The following AEBP2 variants were observed in gnomAD, a reference collection of about 807,000 sequenced individuals.
AEBP2 encodes zinc finger protein AEBP2.
AEBP2 carries 10 observed loss-of-function variants against 50.8 expected under a neutral mutation model. The observed-to-expected ratio is 0.20, with a 90% CI of 0.12 to 0.33. The LOEUF (loss-of-function observed/expected upper bound fraction) is 0.33. AEBP2 is among the 10% of genes least tolerant of loss of function. AEBP2 has a pLI of 1.00. For synonymous variants in AEBP2, 296 were observed against 261.3 expected, an observed-to-expected ratio of 1.13 and a Z score of -1.28; for missense variants, 570 against 688.0, an observed-to-expected ratio of 0.83 and a Z score of 1.92.
In AEBP2 at chr12:19,462,727, G is replaced by C; in HGVS notation, c.879+10G>C. 1.3e-6 allele frequency: 2 copies of C among 1,561,564 alleles called. No individual in the cohort carries two copies. Among genetic ancestry groups the C allele is most frequent in the Non-Finnish European group, 1.7e-6 (2 of 1,147,312 alleles). ...TGGTCAGCGAGGAGGGGTTGGTTTT[G>C]TCATTTCTTTTTTTCGCTCCCTGTT... On this transcript the variant is annotated intron_variant, in intron 2 of 7. Coordinates refer to ENST00000266508, the MANE Select transcript of AEBP2 (RefSeq NM_153207.5).
chr12:19,435,119 A>C (rs1353539533), upstream of AEBP2, among the ~76,000 whole-genome samples: 1 of 150,736 alleles, frequency 6.6e-6, no homozygotes, highest in Admixed American at 6.7e-5. Flanking sequence ...ATCTTAGTAC[A>C]TACCTGTCAG....
intron 2 of AEBP2, among the ~76,000 whole-genome samples, chr12:19,463,514 A>G (rs1302603633): frequency 6.6e-6 from 1 of 152,132 alleles, no homozygotes; most frequent in Non-Finnish European, 1.5e-5. Context: ...TGAAGAACAG[A>G]TAACTAACAC....
chr12:19,423,816 G>T (rs1429297751), intron 1 of AEBP2, among the ~76,000 whole-genome samples: 1 of 152,028 alleles, frequency 6.6e-6, no homozygotes, highest in Non-Finnish European at 1.5e-5. Flanking sequence ...GCTCCAGCCT[G>T]GGCGACAGAG....
chr12:19,508,673 G>A (rs530096476), intron 5 of AEBP2, among the ~76,000 whole-genome samples: 129 of 152,122 alleles, frequency 8.5e-4, no homozygotes, highest in African/African-American at 3.0e-3. Context: ...CTGTTAGATC[G>A]ATGTTAACTT....
At chr12:19,494,127 T>A (rs2120457045) in intron 4 of AEBP2, 141 bp downstream of exon 4, 1 of 911,686 alleles carries the variant, frequency 1.1e-6, no homozygotes, top group Admixed American at 2.9e-5. Context: ...TCAGTGAGAG[T>A]GAGAATTCAG....
chr12:19,497,326 G>GTTT (rs1491166710), intron 4 of AEBP2, among the ~76,000 whole-genome samples: 45 of 60,216 alleles, frequency 7.5e-4, no homozygotes, highest in African/African-American at 4.0e-3. Flanking sequence ...GTTTCCAAAG[G>GTTT]TGTTTTTTTT....
At chr12:19,453,452 C>CTCTTTT (rs1948203644) in intron 1 of AEBP2, among the ~76,000 whole-genome samples, 1 of 146,566 alleles carries the variant, frequency 6.8e-6, no homozygotes, top group African/African-American at 2.5e-5. Context: ...AGGAGTCTTG[C>CTCTTTT]TCTTTTGCTC....
intron 3 of AEBP2, among the ~76,000 whole-genome samples, chr12:19,479,935 AT>A (rs1282531005): frequency 6.6e-6 from 1 of 151,624 alleles, no homozygotes; most frequent in African/African-American, 2.4e-5. Flanking sequence ...CCATTTTCCC[AT>A]TCCATACCTT....
chr12:19,439,352 G>A (rs1319142925), upstream of AEBP2, among the ~76,000 whole-genome samples: 2 of 145,554 alleles, frequency 1.4e-5, no homozygotes, highest in South Asian at 2.3e-4. Flanking sequence ...AAGGCCCCGA[G>A]GAAACGCTGA....
chr12:19,415,403 AG>A (rs1340876462), intron 1 of AEBP2, among the ~76,000 whole-genome samples: 1 of 137,384 alleles, frequency 7.3e-6, no homozygotes, highest in African/African-American at 2.7e-5. Context: ...TGCACAGTCT[AG>A]GGGTGGTGAT....
At chr12:19,496,116 C>T (rs1309851052) in intron 4 of AEBP2, among the ~76,000 whole-genome samples, 5 of 152,144 alleles carry the variant, frequency 3.3e-5, no homozygotes, top group Admixed American at 3.3e-4. Context: ...AATTTTCTGA[C>T]TTTTCACATT....
intron 1 of AEBP2, among the ~76,000 whole-genome samples, chr12:19,405,220 C>T (rs562832270): frequency 2.0e-5 from 3 of 152,254 alleles, no homozygotes; most frequent in African/African-American, 7.2e-5. Context: ...TGAGCCACCT[C>T]GCCCAGTTGG....
At position 19,451,793 on chromosome 12, in the gene AEBP2, T is replaced by G. The variant is rs1948170381; in HGVS notation, c.672-10717T>G. Among the ~76,000 whole-genome samples, 4 of 152,132 alleles carry G rather than the reference T, an allele frequency of 2.6e-5. No individual in the cohort carries two copies. The South Asian group carries it at 8.3e-4, about 32-fold the overall frequency. The stretch of plus-strand genomic sequence containing the variant: ...CATGGCATACTGCAATGTTGAGCTC[T>G]GATACTCAAGCCATCCTACCACCTT... On this transcript the variant is annotated intron_variant, in intron 1 of 7. Transcript: ENST00000266508.
At chr12:19,487,003 A>T (rs576790551) in intron 3 of AEBP2, among the ~76,000 whole-genome samples, 1 of 152,036 alleles carries the variant, frequency 6.6e-6, no homozygotes, top group African/African-American at 2.4e-5. Flanking sequence ...TGTCGCTTTA[A>T]TTTTTGTTTC....
intron 5 of AEBP2, among the ~76,000 whole-genome samples, chr12:19,502,537 G>A (rs1296988100): frequency 1.3e-5 from 2 of 152,148 alleles, no homozygotes; most frequent in African/African-American, 4.8e-5. Context: ...TTGAATTAGG[G>A]AGTCCTTTCC....
At chr12:19,472,831 T>G (rs1410490380) in intron 2 of AEBP2, among the ~76,000 whole-genome samples, 2 of 152,148 alleles carry the variant, frequency 1.3e-5, no homozygotes, top group Non-Finnish European at 2.9e-5. Flanking sequence ...AATTTTTTTA[T>G]ACCTTTAAAA....
intron 1 of AEBP2, among the ~76,000 whole-genome samples, chr12:19,442,351 T>A (rs1422308764): frequency 6.6e-6 from 1 of 152,108 alleles, no homozygotes; most frequent in Non-Finnish European, 1.5e-5. Flanking sequence ...GAGGTTGCAG[T>A]GAGCTGAGAT....
At chr12:19,479,152 T>C (rs1948691529) in intron 3 of AEBP2, among the ~76,000 whole-genome samples, 1 of 152,180 alleles carries the variant, frequency 6.6e-6, no homozygotes, top group Non-Finnish European at 1.5e-5. Flanking sequence ...GAGATTGCCA[T>C]GAGCCAAGAT....
intron 1 of AEBP2, chr12:19,457,493 G>T (rs1592732061): frequency 6.7e-7 from 1 of 1,501,866 alleles, no homozygotes; most frequent in Non-Finnish European, 8.9e-7. Flanking sequence ...ACTTGAAGGA[G>T]CCCTTTCCCA....
Sources: allele counts gnomAD v4.1 joint callset (sites outside exome capture counted in the v4.1 genomes callset), GRCh38; gene constraint gnomAD v4.1.1; transcripts MANE v1.5; gene names NCBI Gene and HGNC (gene_info 2026-07-23, HGNC 2026-07-21).